NRG3: variants seen among roughly 807,000 people sequenced by gnomAD.
NRG3 encodes neuregulin 3.
In NRG3, 31 loss-of-function variants were observed where a neutral mutation model predicts 66.9. The observed-to-expected ratio is 0.46, with a 90% CI of 0.35 to 0.63. NRG3 has a LOEUF of 0.63. Among genes scored for constraint, NRG3 ranks in the 20% least tolerant of loss-of-function variants. NRG3 has a pLI of 0.00. For synonymous variants in NRG3, 393 were observed against 359.4 expected, an observed-to-expected ratio of 1.09 and a Z score of -1.06; for missense variants, 910 against 878.9, an observed-to-expected ratio of 1.04 and a Z score of -0.45.
chr10:82,027,457 A>G (rs2062365200), intron 1 of NRG3, among the ~76,000 whole-genome samples: 1 of 152,092 alleles, frequency 6.6e-6, no homozygotes, highest in African/African-American at 2.4e-5. Context: ...GTTTGAAAGA[A>G]TGAATTTAAG....
chr10:82,457,255 T>A (rs1271109549), intron 2 of NRG3, among the ~76,000 whole-genome samples: 1 of 152,160 alleles, frequency 6.6e-6, no homozygotes, highest in Non-Finnish European at 1.5e-5. Flanking sequence ...GAAGACAATT[T>A]TTTTCCACAG....
intron 2 of NRG3, among the ~76,000 whole-genome samples, chr10:82,697,673 C>A (rs1357414115): frequency 6.6e-6 from 1 of 152,100 alleles, no homozygotes; most frequent in Non-Finnish European, 1.5e-5. Flanking sequence ...GAATGATATC[C>A]TTTTTAACGT....
intron 2 of NRG3, among the ~76,000 whole-genome samples, chr10:82,629,457 G>A (rs1354024046): frequency 6.6e-6 from 1 of 152,154 alleles, no homozygotes; most frequent in African/African-American, 2.4e-5. Context: ...TACCATTCTG[G>A]TCGGTAAGCA....
At chr10:82,444,413 T>C (rs952233689) in intron 2 of NRG3, among the ~76,000 whole-genome samples, 1 of 152,176 alleles carries the variant, frequency 6.6e-6, no homozygotes. Flanking sequence ...CAAAAAATTA[T>C]TCTAATGTGA....
At chr10:81,993,155 C>A (rs931266506) in intron 1 of NRG3, among the ~76,000 whole-genome samples, 1 of 152,074 alleles carries the variant, frequency 6.6e-6, no homozygotes, top group African/African-American at 2.4e-5. Context: ...TTTTTCAGTT[C>A]TGTGCATTTA....
intron 2 of NRG3, among the ~76,000 whole-genome samples, chr10:82,581,771 T>A (rs2046368851): frequency 6.6e-6 from 1 of 152,030 alleles, no homozygotes; most frequent in Non-Finnish European, 1.5e-5. Flanking sequence ...CACCAAAAAA[T>A]TTGGAAAAAA....
chr10:81,941,773 T>C lies in NRG3; in HGVS notation c.823+65610T>C, dbSNP rs542009416. On this transcript the variant is annotated intron_variant, in intron 1 of 8. Transcript: ENST00000372141. ...TCAGGAATAACCCATGATATCTTCT[T>C]GGGGCTTGGAGAGAGTGGTAAACAG... is the stretch of plus-strand genomic sequence containing the variant. Among the ~76,000 whole-genome samples, 15 of 152,232 alleles carry C rather than the reference T, an allele frequency of 9.9e-5. No individual in the cohort carries two copies. In the South Asian group the frequency reaches 3.1e-3, roughly 32 times the overall value.
intron 1 of NRG3, among the ~76,000 whole-genome samples, chr10:82,228,004 A>C (rs931200397): frequency 6.6e-6 from 1 of 152,158 alleles, no homozygotes; most frequent in Non-Finnish European, 1.5e-5. Flanking sequence ...CACCTGCATG[A>C]TAGTGTACCT....
intron 2 of NRG3, among the ~76,000 whole-genome samples, chr10:82,589,828 A>G (rs1385701028): frequency 6.6e-6 from 1 of 152,174 alleles, no homozygotes; most frequent in Non-Finnish European, 1.5e-5. Context: ...CCTGTGAGCT[A>G]ACTTAAAAAT....
intron 2 of NRG3, among the ~76,000 whole-genome samples, chr10:82,633,235 G>A (rs577454775): frequency 6.6e-6 from 1 of 152,278 alleles, no homozygotes; most frequent in South Asian, 2.1e-4. Context: ...ATGCTTAGTG[G>A]CAAGAGGTGT....
intron 1 of NRG3, among the ~76,000 whole-genome samples, chr10:81,991,125 G>A (rs1488971064): frequency 6.6e-6 from 1 of 152,064 alleles, no homozygotes; most frequent in African/African-American, 2.4e-5. Context: ...GGAAGAGTTG[G>A]GCATGGGATA....
chr10:82,904,776 G>C (rs900512337), intron 4 of NRG3, among the ~76,000 whole-genome samples: 3 of 152,016 alleles, frequency 2.0e-5, no homozygotes, highest in Admixed American at 6.6e-5. Context: ...GATTTCAGAG[G>C]GTTTCAATGG....
intron 3 of NRG3, among the ~76,000 whole-genome samples, chr10:82,754,334 C>A (rs1252084341): frequency 1.3e-5 from 2 of 150,582 alleles, no homozygotes; most frequent in African/African-American, 2.4e-5. Context: ...GAGAGCATAC[C>A]CTTCGTTAGC....
chr10:82,785,576 C>T (rs933080582), intron 3 of NRG3, among the ~76,000 whole-genome samples: 6 of 151,862 alleles, frequency 4.0e-5, no homozygotes, highest in African/African-American at 1.5e-4. Flanking sequence ...TATAAAGTTG[C>T]AAAGAATATG....
At chr10:82,201,290 A>C in intron 1 of NRG3, among the ~76,000 whole-genome samples, 1 of 151,434 alleles carries the variant, frequency 6.6e-6, no homozygotes, top group Non-Finnish European at 1.5e-5. Context: ...CCATGGCCAG[A>C]GGGAAGGAGT....
rs553080889 is a variant in NRG3, at chr10:82,842,848, G to A, written c.1028-22563G>A. 5.3e-4 allele frequency among the ~76,000 whole-genome samples: 80 copies of A among 152,268 alleles called. 1 individual carries two copies. Among genetic ancestry groups the A allele is most frequent in the South Asian group, 5.0e-3 (24 of 4,822 alleles). On this transcript the variant is annotated intron_variant, in intron 3 of 8. Coordinates refer to ENST00000372141, the MANE Select transcript of NRG3 (RefSeq NM_001010848.4). The stretch of plus-strand genomic sequence containing the variant: ...TGATCCTCCTGCCTCAGCCTGTGGC[G>A]TAGCTGGGACTACAGGCGCAAGCCA...
At chr10:82,346,477 T>C (rs1168780258) in intron 1 of NRG3, among the ~76,000 whole-genome samples, 8 of 150,300 alleles carry the variant, frequency 5.3e-5, no homozygotes, top group South Asian at 2.1e-4. Context: ...CAGTATTTTA[T>C]TGAGGATTTT....
At chr10:82,524,758 A>G (rs1403259256) in intron 2 of NRG3, among the ~76,000 whole-genome samples, 1 of 151,848 alleles carries the variant, frequency 6.6e-6, no homozygotes, top group Non-Finnish European at 1.5e-5. Flanking sequence ...TATTTTACAA[A>G]TGTTTCTTTT....
At chr10:81,983,975 TAAAG>T (rs10616437) in intron 1 of NRG3, among the ~76,000 whole-genome samples, 2,182 of 152,152 alleles carry the variant, frequency 0.014, 49 homozygotes, top group African/African-American at 0.05. Context: ...TGAAAATAAA[TAAAG>T]AAGGTTCAAA....
Sources: gnomAD v4.1 joint callset for allele counts (sites outside exome capture counted in the v4.1 genomes callset) on GRCh38, gnomAD v4.1.1 for gene constraint, MANE v1.5 for transcripts, NCBI Gene and HGNC (gene_info 2026-07-23, HGNC 2026-07-21) for gene names.